The following NRXN3 variants were observed in gnomAD, a reference collection of about 807,000 sequenced individuals.
NRXN3 encodes neurexin 3, also known as neurexin III.
Under a neutral mutation model 137.6 loss-of-function variants are expected in NRXN3, and 32 were observed. The ratio of observed to expected loss-of-function variants is 0.23; its 90% CI spans 0.18 to 0.31. The LOEUF (loss-of-function observed/expected upper bound fraction) is 0.31. Among genes scored for constraint, NRXN3 ranks in the 10% least tolerant of loss-of-function variants. NRXN3 has a pLI of 1.00. For synonymous variants in NRXN3, 798 were observed against 784.5 expected (o/e 1.02, Z -0.29); for missense variants, 1,574 against 2,062.5 (o/e 0.76, Z 4.59).
chr14:79,585,706 A>C (rs1012851296), intron 16 of NRXN3, among the ~76,000 whole-genome samples: 4 of 150,776 alleles, frequency 2.7e-5, no homozygotes, highest in Admixed American at 6.6e-5. Context: ...AAAAAAAAAA[A>C]AACCAACTTT....
chr14:78,178,562 T>A (rs960790198), intron 1 of NRXN3, among the ~76,000 whole-genome samples: 3 of 152,146 alleles, frequency 2.0e-5, no homozygotes, highest in African/African-American at 7.2e-5. Flanking sequence ...CTTTGCTGTG[T>A]CGCCCTAAAC....
At chr14:78,612,130 T>G (rs2097305632) in intron 4 of NRXN3, among the ~76,000 whole-genome samples, 1 of 152,220 alleles carries the variant, frequency 6.6e-6, no homozygotes, top group African/African-American at 2.4e-5. Context: ...GGACTTGGCA[T>G]GAGGAAAACC....
intron 16 of NRXN3, among the ~76,000 whole-genome samples, chr14:79,522,479 G>T (rs532649557): frequency 7.6e-4 from 116 of 152,222 alleles, no homozygotes; most frequent in African/African-American, 2.7e-3. Context: ...TTCATTTTAT[G>T]CTAGGGCCAT....
At position 78,696,859 on chromosome 14, in the gene NRXN3, A is replaced by G. The variant is rs529724332; in HGVS notation, c.1222-12358A>G. Among the ~76,000 whole-genome samples, 6 of 152,212 alleles carry G rather than the reference A, an allele frequency of 3.9e-5. No homozygotes were observed. The East Asian group carries it at 7.7e-4, about 20-fold the overall frequency. On this transcript the variant is annotated intron_variant, in intron 6 of 20. Transcript: ENST00000335750. Reference sequence around the variant, plus strand: ...AGGAAGCTCTCTGTTAATATTAGCTATCACTGTTTCTACTACTGCCATCAC... The same window carrying G: ...AGGAAGCTCTCTGTTAATATTAGCTGTCACTGTTTCTACTACTGCCATCAC...
chr14:78,330,021 G>A (rs1029983479), intron 4 of NRXN3, among the ~76,000 whole-genome samples: 6 of 152,070 alleles, frequency 3.9e-5, no homozygotes, highest in South Asian at 2.1e-4. Context: ...TTGGTGTACC[G>A]TCCACCATAT....
chr14:78,285,170 T>G (rs181484457), intron 3 of NRXN3, among the ~76,000 whole-genome samples: 5 of 152,206 alleles, frequency 3.3e-5, no homozygotes, highest in Non-Finnish European at 5.9e-5. Flanking sequence ...CTGACTGAGA[T>G]ACCTTGGGGA....
chr14:78,709,151 G>A, intron 6 of NRXN3, 66 bp from the exon 7 acceptor site: 2 of 1,461,672 alleles, frequency 1.4e-6, no homozygotes, highest in Non-Finnish European at 1.9e-6. Context: ...CAGGTGCCCA[G>A]TGAGTGATGG....
chr14:78,387,787 C>T (rs1475012614), intron 4 of NRXN3, among the ~76,000 whole-genome samples: 1 of 152,144 alleles, frequency 6.6e-6, no homozygotes, highest in Non-Finnish European at 1.5e-5. Flanking sequence ...GCCTTCTTTC[C>T]TATGGTGATA....
intron 15 of NRXN3, among the ~76,000 whole-genome samples, chr14:79,294,335 T>C (rs1414592873): frequency 6.6e-6 from 1 of 152,204 alleles, no homozygotes; most frequent in African/African-American, 2.4e-5. Context: ...CAATATTAGA[T>C]ACAACACATG....
At chr14:79,437,167 T>A (rs1441601309) in intron 15 of NRXN3, among the ~76,000 whole-genome samples, 1 of 152,128 alleles carries the variant, frequency 6.6e-6, no homozygotes, top group Non-Finnish European at 1.5e-5. Context: ...TTTTTGCTTT[T>A]CTTTTCCCCA....
At chr14:79,841,354 A>G (rs1374849107) in intron 20 of NRXN3, among the ~76,000 whole-genome samples, 1 of 152,190 alleles carries the variant, frequency 6.6e-6, no homozygotes, top group Non-Finnish European at 1.5e-5. Context: ...AGGAGAAAAC[A>G]GGTTGGAATG....
At chr14:79,565,319 G>A (rs939504217) in intron 16 of NRXN3, among the ~76,000 whole-genome samples, 5 of 143,044 alleles carry the variant, frequency 3.5e-5, no homozygotes, top group African/African-American at 5.3e-5. Flanking sequence ...ACACACACAT[G>A]TGTGTGTATA....
At chr14:78,527,617 C>T (rs1021697565) in intron 4 of NRXN3, among the ~76,000 whole-genome samples, 1 of 152,192 alleles carries the variant, frequency 6.6e-6, no homozygotes, top group Admixed American at 6.5e-5. Context: ...ACTTTCTAAG[C>T]TCCAATTTTT....
At chr14:78,928,887 A>G (rs1003266359) in intron 10 of NRXN3, among the ~76,000 whole-genome samples, 5 of 152,142 alleles carry the variant, frequency 3.3e-5, no homozygotes, top group Non-Finnish European at 7.4e-5. Flanking sequence ...GTCTTCCACA[A>G]TGGTTGAACT....
chr14:78,822,309 G>T (rs1407261396), intron 10 of NRXN3, among the ~76,000 whole-genome samples: 1 of 152,108 alleles, frequency 6.6e-6, no homozygotes, highest in Non-Finnish European at 1.5e-5. Context: ...AAGTTTGCTG[G>T]CATTATCTTA....
chr14:79,406,422 CT>C (rs2095313888), intron 15 of NRXN3, among the ~76,000 whole-genome samples: 1 of 152,032 alleles, frequency 6.6e-6, no homozygotes, highest in African/African-American at 2.4e-5. Flanking sequence ...CCACCTCAGC[CT>C]CCTGAGTAGC....
intron 2 of NRXN3, among the ~76,000 whole-genome samples, chr14:78,250,612 T>C (rs138960848): frequency 1.3e-5 from 2 of 152,342 alleles, no homozygotes; most frequent in Non-Finnish European, 2.9e-5. Flanking sequence ...TGTGGTGTTC[T>C]GGCCTCAGCA....
chr14:78,806,511 G>A (rs1247401930), intron 9 of NRXN3, among the ~76,000 whole-genome samples: 4 of 152,218 alleles, frequency 2.6e-5, no homozygotes, highest in Admixed American at 6.5e-5. Flanking sequence ...TTCAAGTTGT[G>A]TCTTTTTTCT....
chr14:79,070,198 A>C (rs955049645), intron 15 of NRXN3, among the ~76,000 whole-genome samples: 4 of 152,188 alleles, frequency 2.6e-5, no homozygotes, highest in Non-Finnish European at 5.9e-5. Context: ...TTTGACTGTC[A>C]GTTTCCGTAA....
Sources: gnomAD v4.1 joint callset for allele counts (sites outside exome capture counted in the v4.1 genomes callset) on GRCh38, gnomAD v4.1.1 for gene constraint, MANE v1.5 for transcripts, NCBI Gene and HGNC (gene_info 2026-07-23, HGNC 2026-07-21) for gene names.